The following RAB27B variants were observed in gnomAD, a reference collection of about 807,000 sequenced individuals.
RAB27B encodes ras-related protein Rab-27B.
Under a neutral mutation model 24.6 loss-of-function variants are expected in RAB27B, and 15 were observed. The ratio of observed to expected loss-of-function variants is 0.61; its 90% confidence interval spans 0.41 to 0.94. The LOEUF is 0.94. Among genes scored for constraint, RAB27B ranks in the 40% least tolerant of loss-of-function variants. The probability of loss-of-function intolerance (pLI) is 0.00; values close to 1 mark genes in which losing one functional copy is unlikely to be tolerated. For missense variants in RAB27B, 261 were observed against 266.8 expected (o/e 0.98, Z 0.15); for synonymous variants, 105 against 92.5 (o/e 1.14, Z -0.78).
At chr18:54,759,628 T>A (rs1819894) in intron 2 of RAB27B, among the ~76,000 whole-genome samples, 2 of 152,058 alleles carry the variant, frequency 1.3e-5, no homozygotes, top group Non-Finnish European at 2.9e-5. Flanking sequence ...AAAGTGAGAA[T>A]GTGCATTCCT....
intron 1 of RAB27B, among the ~76,000 whole-genome samples, chr18:54,865,109 T>TA (rs1912160059): frequency 6.6e-6 from 1 of 151,674 alleles, no homozygotes; most frequent in African/African-American, 2.4e-5. Flanking sequence ...TATATATGAT[T>TA]AAATATATAT....
intron 1 of RAB27B, among the ~76,000 whole-genome samples, chr18:54,864,012 CT>C (rs1221712600): frequency 2.6e-5 from 4 of 152,130 alleles, no homozygotes; most frequent in Non-Finnish European, 4.4e-5. Flanking sequence ...GTTTTCATTT[CT>C]TTTGTGTCTA....
intron 1 of RAB27B, among the ~76,000 whole-genome samples, chr18:54,865,611 T>C (rs552267946): frequency 4.7e-4 from 71 of 152,316 alleles, no homozygotes; most frequent in African/African-American, 1.6e-3. Context: ...GGTTGGTATG[T>C]GGATATGAAG....
chr18:54,819,188 T>C (rs953503535), intron 2 of RAB27B, among the ~76,000 whole-genome samples: 2 of 148,014 alleles, frequency 1.4e-5, no homozygotes, highest in East Asian at 3.9e-4. Context: ...GAATATTATA[T>C]ACTATAAATA....
intron 3 of RAB27B, chr18:54,879,896 T>A (rs1912854689): frequency 6.4e-6 from 1 of 155,766 alleles, no homozygotes; most frequent in South Asian, 2.0e-4. Flanking sequence ...TTTCAGACTT[T>A]GATCTTAAAA....
intron 4 of RAB27B, among the ~76,000 whole-genome samples, chr18:54,887,586 C>T (rs1367608099): frequency 1.3e-5 from 2 of 152,184 alleles, no homozygotes; most frequent in East Asian, 3.9e-4. Flanking sequence ...AAGCACCTAA[C>T]ATTTACTAAA....
intron 2 of RAB27B, among the ~76,000 whole-genome samples, chr18:54,728,225 G>C (rs1909603523): frequency 6.6e-6 from 1 of 152,172 alleles, no homozygotes; most frequent in Non-Finnish European, 1.5e-5. Flanking sequence ...GGTAGGGGTG[G>C]GGAGGCTACA....
chr18:54,791,974 G>C (rs895423744), intron 2 of RAB27B, among the ~76,000 whole-genome samples: 10 of 152,166 alleles, frequency 6.6e-5, no homozygotes, highest in African/African-American at 2.4e-4. Flanking sequence ...TGGTGGGACA[G>C]CTCCTTTAAT....
intron 1 of RAB27B, among the ~76,000 whole-genome samples, chr18:54,836,187 C>A (rs772115176): frequency 1.3e-5 from 2 of 151,922 alleles, no homozygotes; most frequent in Non-Finnish European, 2.9e-5. Flanking sequence ...TTCTACATTG[C>A]GGTTTTCTTT....
At chr18:54,733,705 C>G (rs1245485875) in intron 2 of RAB27B, among the ~76,000 whole-genome samples, 1 of 128,874 alleles carries the variant, frequency 7.8e-6, no homozygotes. Context: ...TTACTTCTTT[C>G]CTATTCCCTG....
At chr18:54,762,445 C>T (rs1363376911) in intron 2 of RAB27B, among the ~76,000 whole-genome samples, 7 of 152,252 alleles carry the variant, frequency 4.6e-5, no homozygotes, top group South Asian at 2.1e-4. Context: ...TAATTTTCTA[C>T]GGCAGCCCTG....
chr18:54,720,816 A>G (rs1389762286), intron 2 of RAB27B, among the ~76,000 whole-genome samples: 1 of 152,136 alleles, frequency 6.6e-6, no homozygotes, highest in Non-Finnish European at 1.5e-5. Flanking sequence ...TTTATTTGTC[A>G]TGAAAGATAA....
At chr18:54,767,302 T>A (rs998436331) in intron 2 of RAB27B, among the ~76,000 whole-genome samples, 2 of 152,200 alleles carry the variant, frequency 1.3e-5, no homozygotes, top group Admixed American at 1.3e-4. Flanking sequence ...GTTTACCCAG[T>A]GGCTCATGCC....
intron 2 of RAB27B, among the ~76,000 whole-genome samples, chr18:54,742,336 T>G (rs1282702881): frequency 6.6e-6 from 1 of 152,192 alleles, no homozygotes; most frequent in Non-Finnish European, 1.5e-5. Context: ...ATGATTAAAT[T>G]GCCTGGAAGC....
chr18:54,743,859 G>A (rs1910147843), intron 2 of RAB27B, among the ~76,000 whole-genome samples: 1 of 152,152 alleles, frequency 6.6e-6, no homozygotes, highest in Non-Finnish European at 1.5e-5. Flanking sequence ...CGTGTTAATG[G>A]TTCACTTGAG....
intron 1 of RAB27B, among the ~76,000 whole-genome samples, chr18:54,832,374 T>C (rs1007793602): frequency 9.2e-5 from 14 of 152,186 alleles, no homozygotes; most frequent in African/African-American, 3.4e-4. Context: ...TTTCCTAAGA[T>C]GGATAAAACT....
At chr18:54,877,853 C>A in intron 2 of RAB27B, 115 bp downstream of exon 2, 1 of 1,072,606 alleles carries the variant, frequency 9.3e-7, no homozygotes, top group Non-Finnish European at 1.3e-6. Flanking sequence ...AATTCATAAC[C>A]TGTCATTTTA....
chr18:54,845,405 C>CAAAAAAAAAA (rs66477137), intron 1 of RAB27B, among the ~76,000 whole-genome samples: 1 of 118,902 alleles, frequency 8.4e-6, no homozygotes, highest in Non-Finnish European at 1.7e-5. Context: ...GACTCCATCT[C>CAAAAAAAAAA]AAAAAAAAAA....
At chr18:54,823,785 C>T (rs1027742639), upstream of RAB27B, among the ~76,000 whole-genome samples, 1 of 152,094 alleles carries the variant, frequency 6.6e-6, no homozygotes, top group African/African-American at 2.4e-5. Flanking sequence ...ATAGTGTTTT[C>T]TCTATAGAAC....
Sources: allele counts gnomAD v4.1 joint callset (sites outside exome capture counted in the v4.1 genomes callset), GRCh38; gene constraint gnomAD v4.1.1; transcripts MANE v1.5; gene names NCBI Gene and HGNC (gene_info 2026-07-23, HGNC 2026-07-21).